HUNK: variants seen among roughly 807,000 people sequenced by gnomAD.
HUNK encodes the protein hormonally up-regulated neu tumor-associated kinase.
A neutral mutation model predicts 61.0 loss-of-function variants in HUNK; 21 were observed. The observed-to-expected ratio is 0.34, with a 90% confidence interval of 0.24 to 0.50. HUNK has a LOEUF of 0.50. Among genes scored for constraint, HUNK ranks in the 20% least tolerant of loss-of-function variants. The pLI, the probability that HUNK is intolerant of heterozygous loss-of-function variation, is 0.98. For missense variants in HUNK, 772 were observed against 945.7 expected (o/e 0.82, Z 2.41); for synonymous variants, 371 against 386.1 (o/e 0.96, Z 0.46).
chr21:31,962,286 G>A (rs1432075776), intron 5 of HUNK, among the ~76,000 whole-genome samples: 1 of 152,242 alleles, frequency 6.6e-6, no homozygotes, highest in Non-Finnish European at 1.5e-5. Context: ...CCACACAGCT[G>A]TGGGAAAAGG....
At chr21:31,909,198 A>G (rs58666829) in intron 1 of HUNK, among the ~76,000 whole-genome samples, 7,561 of 152,256 alleles carry the variant, frequency 0.05, 436 homozygotes, top group East Asian at 0.14. Flanking sequence ...AATTCCAGCA[A>G]TTGCACAAGC....
intron 4 of HUNK, among the ~76,000 whole-genome samples, chr21:31,949,285 C>G (rs1260127735): frequency 1.3e-5 from 2 of 152,182 alleles, no homozygotes; most frequent in African/African-American, 4.8e-5. Flanking sequence ...GATGCCTTCT[C>G]TTCTAGGGCA....
intron 3 of HUNK, among the ~76,000 whole-genome samples, chr21:31,940,986 G>C (rs2052765027): frequency 6.6e-6 from 1 of 152,160 alleles, no homozygotes; most frequent in Non-Finnish European, 1.5e-5. Flanking sequence ...GGATCAATAG[G>C]ACTTTGTGAA....
At chr21:31,874,142 T>C (rs7277651) in intron 1 of HUNK, among the ~76,000 whole-genome samples, 101,406 of 151,750 alleles carry the variant, frequency 0.67, 34,668 homozygotes, top group African/African-American at 0.8. Flanking sequence ...TGCCCGGGGG[T>C]TGGGGGCTTG....
At chr21:31,979,334 G>T (rs1043262885) in intron 7 of HUNK, among the ~76,000 whole-genome samples, 1 of 151,610 alleles carries the variant, frequency 6.6e-6, no homozygotes, top group Non-Finnish European at 1.5e-5. Context: ...GGCCAGGATG[G>T]TCTCAATCTC....
At chr21:31,875,111 G>T (rs2052250469) in intron 1 of HUNK, among the ~76,000 whole-genome samples, 1 of 152,204 alleles carries the variant, frequency 6.6e-6, no homozygotes, top group East Asian at 1.9e-4. Context: ...GCCGCAAGGA[G>T]GGAAGGCGGA....
At chr21:31,888,788 G>A (rs1174703189) in intron 1 of HUNK, among the ~76,000 whole-genome samples, 1 of 151,410 alleles carries the variant, frequency 6.6e-6, no homozygotes. Context: ...AAAAAAAGGG[G>A]GTTGTATGTG....
At chr21:31,887,698 A>G (rs1465407577) in intron 1 of HUNK, among the ~76,000 whole-genome samples, 2 of 152,202 alleles carry the variant, frequency 1.3e-5, no homozygotes, top group Non-Finnish European at 2.9e-5. Flanking sequence ...GTGCAGCAGT[A>G]GTGGGTGACC....
At chr21:31,988,046 G>A (rs1197075676) in intron 8 of HUNK, among the ~76,000 whole-genome samples, 1 of 152,222 alleles carries the variant, frequency 6.6e-6, no homozygotes, top group Non-Finnish European at 1.5e-5. Flanking sequence ...AGGAGACAAA[G>A]GAGCTGAATT....
At chr21:31,947,484 T>A (rs938277765) in intron 4 of HUNK, among the ~76,000 whole-genome samples, 1 of 152,222 alleles carries the variant, frequency 6.6e-6, no homozygotes, top group African/African-American at 2.4e-5. Context: ...CCCTTTTAAT[T>A]TCGTTCTCGG....
At chr21:31,898,993 C>A (rs1337243604) in intron 1 of HUNK, among the ~76,000 whole-genome samples, 1 of 151,984 alleles carries the variant, frequency 6.6e-6, no homozygotes, top group African/African-American at 2.4e-5. Context: ...ATCGTGGAAA[C>A]TGAATGATGA....
intron 1 of HUNK, among the ~76,000 whole-genome samples, chr21:31,882,397 A>G (rs1420464380): frequency 2.6e-5 from 4 of 152,180 alleles, no homozygotes; most frequent in African/African-American, 9.7e-5. Flanking sequence ...ACTGCTTCTT[A>G]TCTGGGCTCT....
chr21:31,952,623 A>C (rs923399864), intron 4 of HUNK, among the ~76,000 whole-genome samples: 1 of 151,856 alleles, frequency 6.6e-6, no homozygotes, highest in Non-Finnish European at 1.5e-5. Flanking sequence ...TGTGTACCAG[A>C]CTAAATATCA....
chr21:31,987,093 C>T (rs1390354879), intron 8 of HUNK, among the ~76,000 whole-genome samples: 2 of 152,132 alleles, frequency 1.3e-5, no homozygotes, highest in Non-Finnish European at 2.9e-5. Flanking sequence ...ATCAAGTGGG[C>T]CCTGATCAGA....
At chr21:31,942,041 C>A (rs370702829) in intron 3 of HUNK, among the ~76,000 whole-genome samples, 2 of 152,214 alleles carry the variant, frequency 1.3e-5, no homozygotes, top group Non-Finnish European at 2.9e-5. Context: ...AAACCCCCGT[C>A]TCTATTAAAA....
chr21:31,890,988 T>G (rs1162541179), intron 1 of HUNK, among the ~76,000 whole-genome samples: 1 of 152,156 alleles, frequency 6.6e-6, no homozygotes, highest in South Asian at 2.1e-4. Flanking sequence ...AAAAAAACTT[T>G]AGACAAATTA....
intron 2 of HUNK, among the ~76,000 whole-genome samples, chr21:31,935,620 C>T (rs535229050): frequency 5.3e-5 from 8 of 152,224 alleles, no homozygotes; most frequent in Non-Finnish European, 7.4e-5. Flanking sequence ...TTTTTACCAT[C>T]GCCATAGATT....
Position 31,875,515 on chromosome 21 carries a change from T to C in HUNK, c.261+1580T>C, listed in dbSNP as rs190568581. 5.2e-4 allele frequency among the ~76,000 whole-genome samples: 49 copies of C among 93,822 alleles called. 1 individual carries two copies. The East Asian group carries it at 0.014, about 27-fold the overall frequency. 61.6% of individuals were successfully genotyped at this position (93,822 alleles called of 152,430 possible). A position where few individuals can be genotyped will look rare whatever the true frequency, so the allele number is the denominator to read the frequency against. ...AGTCTTCAAAGAAAAAGGAAAAACC[T>C]CCAAACCTCGTTCTAGTCCGCAGGA... On this transcript the variant is annotated intron_variant, in intron 1 of 10. Transcript: ENST00000270112.
intron 8 of HUNK, among the ~76,000 whole-genome samples, chr21:31,986,575 C>T (rs531673474): frequency 1.3e-5 from 2 of 152,178 alleles, no homozygotes; most frequent in South Asian, 4.2e-4. Flanking sequence ...CAGGCAGACT[C>T]CGTGCATGGT....
Sources: gnomAD v4.1 joint callset for allele counts (sites outside exome capture counted in the v4.1 genomes callset) on GRCh38, gnomAD v4.1.1 for gene constraint, MANE v1.5 for transcripts, NCBI Gene and HGNC (gene_info 2026-07-23, HGNC 2026-07-21) for gene names.